The following GMDS variants were observed in gnomAD, a reference collection of about 807,000 sequenced individuals.
GMDS encodes the protein GDP-mannose 4,6-dehydratase.
GMDS carries 20 observed loss-of-function variants against 49.9 expected under a neutral mutation model. The ratio of observed to expected loss-of-function variants is 0.40; its 90% CI spans 0.28 to 0.58. The LOEUF (loss-of-function observed/expected upper bound fraction) is 0.58, where lower values mean the gene tolerates loss of function less well. Ranked by LOEUF, GMDS falls within the 20% of genes least tolerant of loss-of-function variation. The probability of loss-of-function intolerance (pLI) is 0.42; values close to 1 mark genes in which losing one functional copy is unlikely to be tolerated. For synonymous variants in GMDS, 177 were observed against 178.6 expected, an observed-to-expected ratio of 0.99 and a Z score of 0.07; for missense variants, 362 against 481.4, an observed-to-expected ratio of 0.75 and a Z score of 2.32.
At chr6:2,052,131 G>GAAAAAAAAAAAAAA (rs576035823) in intron 4 of GMDS, among the ~76,000 whole-genome samples, 4 of 99,644 alleles carry the variant, frequency 4.0e-5, no homozygotes, top group Admixed American at 1.1e-4. Context: ...AAAAAAAAAA[G>GAAAAAAAAAAAAAA]AAAAAAAAAA....
intron 9 of GMDS, among the ~76,000 whole-genome samples, chr6:1,661,089 A>C (rs1319163695): frequency 6.6e-6 from 1 of 152,112 alleles, no homozygotes. Flanking sequence ...ACGTGATTAC[A>C]ACGAACACCA....
At chr6:1,729,771 G>C (rs1268480543) in intron 8 of GMDS, among the ~76,000 whole-genome samples, 1 of 152,180 alleles carries the variant, frequency 6.6e-6, no homozygotes, top group East Asian at 1.9e-4. Context: ...CACCGAGCAG[G>C]GATCCTGTAT....
At chr6:1,861,618 CAAA>C (rs563437388) in intron 7 of GMDS, among the ~76,000 whole-genome samples, 2 of 108,006 alleles carry the variant, frequency 1.9e-5, no homozygotes, top group Non-Finnish European at 2.0e-5. Context: ...CTCTTTCTCC[CAAA>C]AAAAAAAAAA....
At chr6:2,221,967 C>G (rs900668708) in intron 1 of GMDS, among the ~76,000 whole-genome samples, 2 of 151,816 alleles carry the variant, frequency 1.3e-5, no homozygotes, top group Non-Finnish European at 2.9e-5. Flanking sequence ...GTCAAAGGGC[C>G]GTAAAGAAAC....
intron 4 of GMDS, among the ~76,000 whole-genome samples, chr6:2,059,329 A>C (rs1293145703): frequency 6.6e-6 from 1 of 151,998 alleles, no homozygotes; most frequent in Non-Finnish European, 1.5e-5. Flanking sequence ...ATATTAGAAA[A>C]TATTTCACAG....
At chr6:1,832,057 G>C (rs1215740354) in intron 7 of GMDS, among the ~76,000 whole-genome samples, 1 of 151,916 alleles carries the variant, frequency 6.6e-6, no homozygotes, top group Non-Finnish European at 1.5e-5. Context: ...TGAAGGTAGG[G>C]TACAGAATTA....
At chr6:1,928,983 A>AAATG (rs1762158566) in intron 7 of GMDS, among the ~76,000 whole-genome samples, 2 of 151,886 alleles carry the variant, frequency 1.3e-5, no homozygotes, top group Admixed American at 1.3e-4. Flanking sequence ...ATAAATAAAT[A>AAATG]AATAAATAAA....
At chr6:1,686,295 T>C (rs777371538) in intron 9 of GMDS, among the ~76,000 whole-genome samples, 9 of 152,250 alleles carry the variant, frequency 5.9e-5, no homozygotes, top group Non-Finnish European at 1.2e-4. Context: ...GAAGGAATCC[T>C]GCCAAATATT....
At chr6:2,002,713 G>A (rs940534561) in intron 4 of GMDS, among the ~76,000 whole-genome samples, 6 of 152,140 alleles carry the variant, frequency 3.9e-5, no homozygotes, top group Non-Finnish European at 8.8e-5. Context: ...CCATGCATGA[G>A]ACAACTTTTT....
intron 4 of GMDS, among the ~76,000 whole-genome samples, chr6:2,032,705 C>G (rs1290485249): frequency 6.6e-6 from 1 of 152,128 alleles, no homozygotes; most frequent in Non-Finnish European, 1.5e-5. Flanking sequence ...TACAAGGAGT[C>G]TGATTTAACC....
chr6:1,831,412 T>G (rs536679918), intron 7 of GMDS, among the ~76,000 whole-genome samples: 2 of 152,342 alleles, frequency 1.3e-5, no homozygotes, highest in South Asian at 4.1e-4. Flanking sequence ...AAAATCTCTA[T>G]GAACTGCAAA....
chr6:2,209,924 C>T (rs753216659), intron 1 of GMDS, among the ~76,000 whole-genome samples: 4 of 152,090 alleles, frequency 2.6e-5, no homozygotes, highest in African/African-American at 9.7e-5. Context: ...ACTCCTTACC[C>T]AAAGGACCCA....
rs1028714220 is a variant in GMDS, at chr6:2,093,722, A to C, written c.345+22049T>G. Among the ~76,000 whole-genome samples the C allele has an allele frequency of 2.6e-5, 4 of 152,264 alleles. No homozygotes were observed. In the East Asian group the frequency reaches 7.7e-4, roughly 29 times the overall value. On this transcript the variant is annotated intron_variant, in intron 4 of 10. Transcript: ENST00000380815. Reference sequence around the variant, plus strand: ...TCTAAAAAAGATACAAATTAAATGCATATCATGACTGTGTGTATGTCAGAA... The same window carrying C: ...TCTAAAAAAGATACAAATTAAATGCCTATCATGACTGTGTGTATGTCAGAA...
chr6:2,083,691 C>A (rs1160674749), intron 4 of GMDS, among the ~76,000 whole-genome samples: 2 of 152,192 alleles, frequency 1.3e-5, no homozygotes, highest in African/African-American at 2.4e-5. Flanking sequence ...ACAATCAAGT[C>A]TCTGATTTCT....
At chr6:1,709,851 C>T (rs1469621217) in intron 9 of GMDS, among the ~76,000 whole-genome samples, 1 of 152,208 alleles carries the variant, frequency 6.6e-6, no homozygotes, top group African/African-American at 2.4e-5. Context: ...TCTCTTCTCT[C>T]AACAAATACA....
At position 1,940,916 on chromosome 6, in the gene GMDS, C is replaced by T. The variant is rs1214553029; in HGVS notation, c.644-10686G>A. 7.9e-5 allele frequency among the ~76,000 whole-genome samples: 12 copies of T among 152,106 alleles called. No homozygotes were observed. In the South Asian group the frequency reaches 1.0e-3, roughly 13 times the overall value. On this transcript the variant is annotated intron_variant, in intron 6 of 10. Coordinates refer to ENST00000380815, the MANE Select transcript of GMDS (RefSeq NM_001500.4). Reference sequence around the variant, plus strand: ...TGCTGTGCTTTGCAGTGTTTAGGAGCGTCACTGGCCTTTACCCAGTAGATG... The same window carrying T: ...TGCTGTGCTTTGCAGTGTTTAGGAGTGTCACTGGCCTTTACCCAGTAGATG...
intron 9 of GMDS, among the ~76,000 whole-genome samples, chr6:1,663,234 G>A (rs991120590): frequency 1.3e-5 from 2 of 152,306 alleles, no homozygotes; most frequent in Admixed American, 1.3e-4. Context: ...TGCACCCTTC[G>A]TTAGGGATGC....
chr6:1,697,998 G>A (rs1024442550), intron 9 of GMDS, among the ~76,000 whole-genome samples: 2 of 152,178 alleles, frequency 1.3e-5, no homozygotes, highest in Admixed American at 1.3e-4. Context: ...CACCTTTAGG[G>A]GAGTCAAGCA....
intron 4 of GMDS, among the ~76,000 whole-genome samples, chr6:2,098,824 TC>T (rs1238664499): frequency 6.6e-6 from 1 of 152,162 alleles, no homozygotes; most frequent in African/African-American, 2.4e-5. Flanking sequence ...AATCCTGGAA[TC>T]TTTTACTTGG....
Sources: allele counts gnomAD v4.1 joint callset (sites outside exome capture counted in the v4.1 genomes callset), GRCh38; gene constraint gnomAD v4.1.1; transcripts MANE v1.5; gene names NCBI Gene and HGNC (gene_info 2026-07-23, HGNC 2026-07-21).